The following NAV2 variants were observed in gnomAD, a reference collection of about 807,000 sequenced individuals.
NAV2 encodes helicase, APC down-regulated 1.
In NAV2, 54 loss-of-function variants were observed where a neutral mutation model predicts 223.2. The ratio of observed to expected loss-of-function variants is 0.24; its 90% CI spans 0.19 to 0.30. The LOEUF (loss-of-function observed/expected upper bound fraction) is 0.30. NAV2 is among the 10% of genes least tolerant of loss of function. NAV2 has a pLI of 1.00. For missense variants in NAV2, 2,806 were observed against 3,147.5 expected, an observed-to-expected ratio of 0.89 and a Z score of 2.60; for synonymous variants, 1,279 against 1,239.3, an observed-to-expected ratio of 1.03 and a Z score of -0.67.
intron 5 of NAV2, among the ~76,000 whole-genome samples, chr11:19,888,254 G>A (rs1283380671): frequency 1.3e-5 from 2 of 152,188 alleles, no homozygotes; most frequent in African/African-American, 4.8e-5. Flanking sequence ...CTCTTGGGAA[G>A]GAGCTATTGG....
chr11:20,020,255 A>G (rs1249858643), intron 11 of NAV2, among the ~76,000 whole-genome samples: 1 of 152,226 alleles, frequency 6.6e-6, no homozygotes, highest in African/African-American at 2.4e-5. Context: ...GAGTTCATCA[A>G]CTACATCTTG....
intron 1 of NAV2, among the ~76,000 whole-genome samples, chr11:19,421,723 A>G (rs1358598597): frequency 2.1e-5 from 3 of 142,356 alleles, no homozygotes; most frequent in African/African-American, 7.7e-5. Flanking sequence ...AATTCCTAAC[A>G]CTGATGACTT....
At chr11:19,605,129 C>G (rs2046443518) in intron 1 of NAV2, among the ~76,000 whole-genome samples, 1 of 152,190 alleles carries the variant, frequency 6.6e-6, no homozygotes, top group Non-Finnish European at 1.5e-5. Flanking sequence ...CAGCCTTTGT[C>G]CAGGGCTCAT....
At chr11:19,824,476 CGG>C (rs1479139440) in intron 1 of NAV2, among the ~76,000 whole-genome samples, 1 of 152,166 alleles carries the variant, frequency 6.6e-6, no homozygotes, top group Non-Finnish European at 1.5e-5. Flanking sequence ...TCTGAGAAAC[CGG>C]AGAGCAGAAA....
chr11:19,777,374 G>GACC (rs2056333193), intron 1 of NAV2: 1 of 432,504 alleles, frequency 2.3e-6, no homozygotes, highest in African/African-American at 2.1e-5. Context: ...TGGACGGCCA[G>GACC]ACCTGCCGGG....
At chr11:19,732,333 C>T (rs1419684375) in intron 1 of NAV2, among the ~76,000 whole-genome samples, 1 of 151,838 alleles carries the variant, frequency 6.6e-6, no homozygotes, top group East Asian at 1.9e-4. Context: ...ACTGTGTGAC[C>T]TCAAGTAAGT....
At chr11:19,903,508 G>T (rs1362101989) in intron 6 of NAV2, among the ~76,000 whole-genome samples, 3 of 152,164 alleles carry the variant, frequency 2.0e-5, no homozygotes, top group Non-Finnish European at 2.9e-5. Context: ...AAGAGCAAAG[G>T]TAAAGGCAGC....
At chr11:20,044,358 A>G (rs547973719) in intron 13 of NAV2, 86 bp downstream of exon 13, 7 of 1,224,712 alleles carry the variant, frequency 5.7e-6, no homozygotes, top group South Asian at 1.5e-5. Flanking sequence ...TTGACATTAT[A>G]TATTTTGTCT....
chr11:19,984,109 T>C lies in NAV2; in HGVS notation c.2646-16T>C. On this transcript the variant is annotated splice_polypyrimidine_tract_variant and intron_variant, in intron 10 of 37. Coordinates refer to ENST00000349880, the MANE Select transcript of NAV2 (RefSeq NM_145117.5). ...CTTTGGACATTCATGTGCATCATCTTCTTCTCCTTTTAAAGATACATGACT... is the reference window on the plus strand; with the variant it reads ...CTTTGGACATTCATGTGCATCATCTCCTTCTCCTTTTAAAGATACATGACT... 6.2e-7 allele frequency: 1 copy of C among 1,613,970 alleles called. No individual in the cohort carries two copies. Among genetic ancestry groups the C allele is most frequent in the Non-Finnish European group, 8.5e-7 (1 of 1,179,914 alleles).
At chr11:19,723,082 G>GC (rs1233119925) in intron 1 of NAV2, among the ~76,000 whole-genome samples, 2 of 152,168 alleles carry the variant, frequency 1.3e-5, no homozygotes, top group South Asian at 2.1e-4. Context: ...GCAGATTCCT[G>GC]CCCCCCACCC....
chr11:20,099,240 G>A (rs1443152520), intron 31 of NAV2, among the ~76,000 whole-genome samples: 1 of 152,186 alleles, frequency 6.6e-6, no homozygotes, highest in Non-Finnish European at 1.5e-5. Flanking sequence ...GTTCTACCAT[G>A]AGGGGAAGCA....
chr11:19,427,643 C>T (rs546478296), intron 1 of NAV2, among the ~76,000 whole-genome samples: 74 of 152,110 alleles, frequency 4.9e-4, no homozygotes, highest in Non-Finnish European at 8.5e-4. Context: ...CAAGGCGGGG[C>T]GGAATTGCAA....
At chr11:19,858,625 C>T (rs2153000069) in intron 3 of NAV2, among the ~76,000 whole-genome samples, 1 of 152,282 alleles carries the variant, frequency 6.6e-6, no homozygotes, top group East Asian at 1.9e-4. Flanking sequence ...AACTTCCATA[C>T]TGTTTTTCAT....
intron 11 of NAV2, among the ~76,000 whole-genome samples, chr11:20,017,663 T>G (rs1591677007): frequency 6.6e-6 from 1 of 152,318 alleles, no homozygotes; most frequent in Admixed American, 6.5e-5. Context: ...CTGGCAAAGG[T>G]TTTGCATTGA....
chr11:20,111,405 T>C (rs1192378167), intron 36 of NAV2, among the ~76,000 whole-genome samples: 1 of 152,250 alleles, frequency 6.6e-6, no homozygotes, highest in Non-Finnish European at 1.5e-5. Flanking sequence ...TGAGGAGCTT[T>C]ATGATGTTTC....
At chr11:19,655,766 T>C (rs1325649935) in intron 1 of NAV2, among the ~76,000 whole-genome samples, 1 of 137,994 alleles carries the variant, frequency 7.2e-6, no homozygotes, top group Non-Finnish European at 1.6e-5. Context: ...GGGGGAGGGA[T>C]AGCATTAGGA....
In NAV2 at chr11:19,868,929, A is replaced by T. The variant is rs2062275344; in HGVS notation, c.443A>T (p.Glu148Val). Residue 148 changes from glutamate (E) to valine (V), a missense_variant, in exon 4 of 38, where the codon GAA becomes GTA. Physicochemically the swap from Glu to Val is moderately radical, Grantham distance 121. Coordinates refer to ENST00000349880, the MANE Select transcript of NAV2 (RefSeq NM_145117.5). ...GCPKNRSQMIENIDACLNFLA... is the reference protein window; with the variant it reads ...GCPKNRSQMIVNIDACLNFLA... ...ATTGTTGTTTTTCCCTCCTAGATTG[A>T]AAACATAGATGCCTGCTTGAATTTC... 2 of 1,613,702 alleles carry T rather than the reference A, an allele frequency of 1.2e-6. No homozygotes were observed. The highest frequency in any genetic ancestry group is 1.3e-5 in the African/African-American group (1 of 74,918).
intron 1 of NAV2, among the ~76,000 whole-genome samples, chr11:19,646,158 G>C (rs991003588): frequency 2.0e-5 from 3 of 152,184 alleles, no homozygotes; most frequent in Non-Finnish European, 4.4e-5. Context: ...CCAGGGCTGG[G>C]GGCTTCAGCC....
chr11:19,594,112 C>T (rs2046136806), intron 1 of NAV2, among the ~76,000 whole-genome samples: 1 of 152,070 alleles, frequency 6.6e-6, no homozygotes, highest in African/African-American at 2.4e-5. Context: ...CAGTGAATTT[C>T]ATGCAGATGG....
Sources: gnomAD v4.1 joint callset for allele counts (sites outside exome capture counted in the v4.1 genomes callset) on GRCh38, gnomAD v4.1.1 for gene constraint, MANE v1.5 for transcripts, NCBI Gene and HGNC (gene_info 2026-07-23, HGNC 2026-07-21) for gene names.